The following CHLSN variants were observed in gnomAD, a reference collection of about 807,000 sequenced individuals.
CHLSN encodes the protein cholesin, also known as protein cholesin.
the CHLSN span, among the ~76,000 whole-genome samples, chr7:1,015,214 T>G: frequency 6.7e-6 from 1 of 149,618 alleles, no homozygotes; most frequent in African/African-American, 2.5e-5. Context: ...GGCTGAGGGG[T>G]GAGGAAAGAG....
At chr7:1,040,222 G>C in the CHLSN span, among the ~76,000 whole-genome samples, 1 of 150,924 alleles carries the variant, frequency 6.6e-6, no homozygotes, top group East Asian at 1.9e-4. Flanking sequence ...TGGGCATGCT[G>C]GCACATACCT....
chr7:1,059,779 A>G, the CHLSN span, among the ~76,000 whole-genome samples: 220 of 16,752 alleles, frequency 0.013, 1 homozygote, highest in Non-Finnish European at 0.016. Context: ...CGGGTCCGTA[A>G]TGAGGCGGGT....
chr7:1,080,384 C>T, the CHLSN span, among the ~76,000 whole-genome samples: 572 of 152,298 alleles, frequency 3.8e-3, 4 homozygotes, highest in Admixed American at 5.8e-3. Flanking sequence ...CTGGTGTGCA[C>T]GACGTGACAC....
chr7:1,004,593 G>A, the CHLSN span, among the ~76,000 whole-genome samples: 1 of 152,176 alleles, frequency 6.6e-6, no homozygotes, highest in African/African-American at 2.4e-5. Context: ...GAGCCGTCCC[G>A]CTCTTGGCCT....
the CHLSN span, among the ~76,000 whole-genome samples, chr7:1,094,333 C>T: frequency 7.2e-5 from 11 of 152,250 alleles, no homozygotes; most frequent in Non-Finnish European, 1.2e-4. Flanking sequence ...CAGAAACCTG[C>T]GCAGGGCGTC....
chr7:1,094,990 G>C, the CHLSN span, among the ~76,000 whole-genome samples: 7 of 152,168 alleles, frequency 4.6e-5, no homozygotes, highest in Non-Finnish European at 7.4e-5. Context: ...AACAGGTCTC[G>C]TGGAAGTGGA....
the CHLSN span, among the ~76,000 whole-genome samples, chr7:1,069,241 G>C: frequency 1.3e-5 from 2 of 152,212 alleles, no homozygotes; most frequent in African/African-American, 4.8e-5. Flanking sequence ...TGAGGCAGGA[G>C]AATCGCTTGA....
the CHLSN span, chr7:1,057,934 G>A: frequency 1.3e-6 from 1 of 774,008 alleles, no homozygotes; most frequent in East Asian, 2.4e-5. Context: ...TACATGGCCA[G>A]CGTGTACAAC....
At chr7:1,070,874 A>C in the CHLSN span, among the ~76,000 whole-genome samples, 2 of 145,506 alleles carry the variant, frequency 1.4e-5, no homozygotes, top group Admixed American at 1.3e-4. Context: ...GGGTGCGCAC[A>C]CGTGCACATG....
chr7:1,113,174 G>A, the CHLSN span, among the ~76,000 whole-genome samples: 3 of 151,494 alleles, frequency 2.0e-5, no homozygotes, highest in South Asian at 6.3e-4. Context: ...CCACGTCGAT[G>A]TCCTGGGGAA....
At chr7:1,111,553 ACT>A in the CHLSN span, among the ~76,000 whole-genome samples, 1 of 152,144 alleles carries the variant, frequency 6.6e-6, no homozygotes, top group Non-Finnish European at 1.5e-5. Context: ...AAATCCCAGC[ACT>A]CTGGGAGGCC....
At chr7:1,094,921 T>C in the CHLSN span, among the ~76,000 whole-genome samples, 1 of 152,038 alleles carries the variant, frequency 6.6e-6, no homozygotes, top group Non-Finnish European at 1.5e-5. Context: ...TCTATCAGGA[T>C]TGCTTTCCTC....
the CHLSN span, among the ~76,000 whole-genome samples, chr7:1,014,456 C>A: frequency 9.2e-5 from 14 of 152,240 alleles, no homozygotes; most frequent in African/African-American, 3.4e-4. Context: ...CTGTGTGACA[C>A]GGGCCCTGTG....
chr7:1,096,285 G>A, the CHLSN span, among the ~76,000 whole-genome samples: 1 of 152,228 alleles, frequency 6.6e-6, no homozygotes, highest in East Asian at 1.9e-4. The surrounding 1 kb of genome is among the most constrained non-coding windows in gnomAD (Gnocchi z 4.6). Context: ...GACCTGTGAA[G>A]CTGGCGGCGG....
the CHLSN span, among the ~76,000 whole-genome samples, chr7:1,133,823 TATA>T: frequency 2.2e-3 from 340 of 151,866 alleles, 1 homozygote; most frequent in African/African-American, 7.8e-3. Context: ...GATCATTTGC[TATA>T]ATGTTTGTTG....
At chr7:1,131,191 TAAAAAAAAAAAA>T in the CHLSN span, among the ~76,000 whole-genome samples, 1 of 117,208 alleles carries the variant, frequency 8.5e-6, no homozygotes, top group Non-Finnish European at 1.7e-5. Context: ...ACCTTGTGTT[TAAAAAAAAAAAA>T]AAAAAAAAAA....
the CHLSN span, among the ~76,000 whole-genome samples, chr7:1,064,753 G>A: frequency 6.6e-6 from 1 of 152,160 alleles, no homozygotes; most frequent in Non-Finnish European, 1.5e-5. Flanking sequence ...CCTGGGGGAC[G>A]CCCCATGGAC....
At chr7:1,063,877 TC>T in the CHLSN span, among the ~76,000 whole-genome samples, 1 of 152,074 alleles carries the variant, frequency 6.6e-6, no homozygotes, top group African/African-American at 2.4e-5. Context: ...CTGTTCTCTT[TC>T]CACAGAAGGG....
chr7:1,112,284 A>G, the CHLSN span, among the ~76,000 whole-genome samples: 2 of 152,214 alleles, frequency 1.3e-5, no homozygotes, highest in Non-Finnish European at 2.9e-5. Flanking sequence ...GTTTCTCAGC[A>G]GTTCTTTGGA....
Sources: gnomAD v4.1 joint callset for allele counts (sites outside exome capture counted in the v4.1 genomes callset) on GRCh38, gnomAD v4.1.1 for gene constraint, Gnocchi (gnomAD v3.1) non-coding constraint, MANE v1.5 for transcripts, NCBI Gene and HGNC (gene_info 2026-07-23, HGNC 2026-07-21) for gene names.